STX17: variants seen among roughly 807,000 people sequenced by gnomAD.
STX17 encodes syntaxin-17.
In STX17, 29 loss-of-function variants were observed where a neutral mutation model predicts 35.9. The observed-to-expected ratio is 0.81, with a 90% confidence interval of 0.60 to 1.10. STX17 has a LOEUF of 1.10. Ranked by LOEUF, STX17 falls within the 50% of genes least tolerant of loss-of-function variation. The probability of loss-of-function intolerance (pLI) is 0.00; values close to 1 mark genes in which losing one functional copy is unlikely to be tolerated. For missense variants in STX17, 312 were observed against 352.3 expected (o/e 0.89, Z 0.92); for synonymous variants, 92 against 118.3 (o/e 0.78, Z 1.44).
intron 1 of STX17, 42 bp downstream of exon 1, chr9:99,906,748 C>T (rs989867246): frequency 3.3e-5 from 5 of 152,342 alleles, no homozygotes; most frequent in East Asian, 1.9e-4. Flanking sequence ...GCGTCGGGCC[C>T]TCACAGGCTT....
intron 2 of STX17, among the ~76,000 whole-genome samples, chr9:99,916,769 A>G (rs932078540): frequency 6.6e-6 from 1 of 152,180 alleles, no homozygotes; most frequent in Non-Finnish European, 1.5e-5. Context: ...AAGGATGGAT[A>G]AGGAGTTGTT....
chr9:99,932,061 C>CT (rs1040227637), intron 3 of STX17, among the ~76,000 whole-genome samples: 2 of 152,108 alleles, frequency 1.3e-5, no homozygotes, highest in African/African-American at 4.8e-5. Context: ...CATTTTCCCC[C>CT]TACGGCAGGT....
intron 1 of STX17, among the ~76,000 whole-genome samples, chr9:99,910,378 A>G (rs1469904156): frequency 6.6e-6 from 1 of 152,168 alleles, no homozygotes; most frequent in Admixed American, 6.5e-5. Context: ...TACTAAGTAT[A>G]TTGCTTGGAA....
chr9:99,930,794 TA>T (rs1829106263), intron 3 of STX17, among the ~76,000 whole-genome samples: 1 of 152,200 alleles, frequency 6.6e-6, no homozygotes, highest in African/African-American at 2.4e-5. Flanking sequence ...ACCTTGGAGA[TA>T]AATATAAGTA....
chr9:99,928,943 C>T (rs1228147914), intron 3 of STX17, 100 bp downstream of exon 3: 1 of 947,302 alleles, frequency 1.1e-6, no homozygotes, highest in Non-Finnish European at 1.6e-6. Context: ...CTTTTATACA[C>T]ATTTGTTACT....
chr9:99,954,527 G>A (rs1341718972), intron 4 of STX17, among the ~76,000 whole-genome samples: 1 of 151,962 alleles, frequency 6.6e-6, no homozygotes, highest in East Asian at 1.9e-4. Flanking sequence ...AGTGGGGTAG[G>A]AATTGAGTTT....
At chr9:99,916,768 T>G (rs192046067) in intron 2 of STX17, among the ~76,000 whole-genome samples, 1 of 152,324 alleles carries the variant, frequency 6.6e-6, no homozygotes, top group Non-Finnish European at 1.5e-5. Context: ...TAAGGATGGA[T>G]AAGGAGTTGT....
At chr9:99,965,485 G>C (rs1829896117) in intron 6 of STX17, among the ~76,000 whole-genome samples, 1 of 152,140 alleles carries the variant, frequency 6.6e-6, no homozygotes, top group South Asian at 2.1e-4. Context: ...ACATATGACG[G>C]CTGATGGTAG....
chr9:99,953,474 T>C (rs763179110), intron 4 of STX17, among the ~76,000 whole-genome samples: 1 of 152,104 alleles, frequency 6.6e-6, no homozygotes, highest in Non-Finnish European at 1.5e-5. Flanking sequence ...AGAATGCTTT[T>C]TGATAGTTTG....
intron 4 of STX17, among the ~76,000 whole-genome samples, chr9:99,956,919 T>C (rs1829720639): frequency 6.6e-6 from 1 of 152,214 alleles, no homozygotes; most frequent in Admixed American, 6.5e-5. Flanking sequence ...AACATGAACT[T>C]AGAGTTATAA....
intron 2 of STX17, among the ~76,000 whole-genome samples, chr9:99,919,463 A>G (rs1828850026): frequency 6.6e-6 from 1 of 152,168 alleles, no homozygotes; most frequent in South Asian, 2.1e-4. Flanking sequence ...TTGCAGGCTT[A>G]CATTTTAGCT....
At chr9:99,936,871 T>G (rs1564065761) in intron 3 of STX17, among the ~76,000 whole-genome samples, 1 of 152,196 alleles carries the variant, frequency 6.6e-6, no homozygotes, top group East Asian at 1.9e-4. Flanking sequence ...TTTAGTGTGC[T>G]TAATGCCCTT....
rs1587948386 is a variant in STX17, at chr9:99,973,517, T to C, written c.*4844T>C. On this transcript the variant is annotated 3_prime_UTR_variant, in exon 8 of 8. Transcript: ENST00000259400. The stretch of plus-strand genomic sequence containing the variant: ...TTTTAAATCAGGGGCAGCTCTCTTC[T>C]CCCATCCCAGCCATGAATCTTTCAA... Among the ~76,000 whole-genome samples the C allele has an allele frequency of 1.3e-5, 2 of 152,148 alleles. No homozygotes were observed. Among genetic ancestry groups the C allele is most frequent in the Non-Finnish European group, 2.9e-5 (2 of 68,018 alleles).
At chr9:99,966,474 T>G (rs1415269485) in intron 6 of STX17, among the ~76,000 whole-genome samples, 2 of 152,228 alleles carry the variant, frequency 1.3e-5, no homozygotes, top group Non-Finnish European at 2.9e-5. Context: ...GTGTTGTATG[T>G]GTCTGCCTCA....
intron 6 of STX17, among the ~76,000 whole-genome samples, chr9:99,961,032 T>C (rs1167149568): frequency 6.6e-6 from 1 of 152,054 alleles, no homozygotes; most frequent in Non-Finnish European, 1.5e-5. Context: ...AGTAGAGAAG[T>C]GTATGGCCTG....
chr9:99,958,860 A>C (rs955711628), intron 4 of STX17, among the ~76,000 whole-genome samples: 1 of 152,340 alleles, frequency 6.6e-6, no homozygotes, highest in East Asian at 1.9e-4. Context: ...GGAAAGTCCT[A>C]CTGGGTTGAC....
At chr9:99,928,420 A>G (rs913169342) in intron 2 of STX17, among the ~76,000 whole-genome samples, 6 of 152,132 alleles carry the variant, frequency 3.9e-5, no homozygotes, top group Non-Finnish European at 8.8e-5. Flanking sequence ...TACAATAAGA[A>G]TATCTTATGA....
chr9:99,966,173 T>G (rs1269709656), intron 6 of STX17, among the ~76,000 whole-genome samples: 1 of 152,178 alleles, frequency 6.6e-6, no homozygotes, highest in Non-Finnish European at 1.5e-5. Context: ...GCAATCTGTG[T>G]TTTAAGAAGC....
At chr9:99,968,352 G>T in intron 7 of STX17, 82 bp from the exon 8 acceptor site, 2 of 1,479,854 alleles carry the variant, frequency 1.4e-6, no homozygotes, top group Non-Finnish European at 1.8e-6. Context: ...GCATTGCCAG[G>T]AGTAATGAGA....
Sources: allele counts gnomAD v4.1 joint callset (sites outside exome capture counted in the v4.1 genomes callset), GRCh38; gene constraint gnomAD v4.1.1; transcripts MANE v1.5; gene names NCBI Gene and HGNC (gene_info 2026-07-23, HGNC 2026-07-21).